EPHA5: variants seen among roughly 807,000 people sequenced by gnomAD.
EPHA5 encodes the protein ephrin type-A receptor 5.
In EPHA5, 60 loss-of-function variants were observed where a neutral mutation model predicts 105.0. The observed-to-expected ratio is 0.57, with a 90% CI of 0.46 to 0.71. EPHA5 has a LOEUF of 0.71. EPHA5 is among the 30% of genes least tolerant of loss of function. EPHA5 has a pLI of 0.00. For synonymous variants in EPHA5, 513 were observed against 449.1 expected (o/e 1.14, Z -1.80); for missense variants, 1,218 against 1,274.7 (o/e 0.96, Z 0.68).
rs1347967670 is a variant in EPHA5, at chr4:65,322,631, T to A, written c.*1483A>T. 1 of 225,272 alleles carries A rather than the reference T, an allele frequency of 4.4e-6. No individual in the cohort carries two copies. Among genetic ancestry groups the A allele is most frequent in the African/African-American group, 2.2e-5 (1 of 44,832 alleles). 14.0% of individuals were successfully genotyped at this position (225,272 alleles called of 1,614,324 possible). A position where few individuals can be genotyped will look rare whatever the true frequency, so the allele number is the denominator to read the frequency against. Reference sequence around the variant, plus strand: ...ATAAGTCTTCATCATGTGTGGTATATAGAGCATACATAGAAGATATGTTAT... The same window carrying A: ...ATAAGTCTTCATCATGTGTGGTATAAAGAGCATACATAGAAGATATGTTAT... On this transcript the variant is annotated 3_prime_UTR_variant, in exon 17 of 17. Transcript: ENST00000613740.
chr4:65,388,388 G>A (rs1328509362), intron 8 of EPHA5, among the ~76,000 whole-genome samples: 4 of 151,618 alleles, frequency 2.6e-5, no homozygotes, highest in South Asian at 2.1e-4. Flanking sequence ...CTGAGGAATC[G>A]CCACACTGAC....
intron 3 of EPHA5, among the ~76,000 whole-genome samples, chr4:65,536,101 A>G (rs574358553): frequency 4.5e-4 from 69 of 152,108 alleles, no homozygotes; most frequent in African/African-American, 1.6e-3. Context: ...ATATTGATCA[A>G]TGTATTAGTG....
Position 65,493,258 on chromosome 4 carries a change from G to A in EPHA5, c.1066+2130C>T, listed in dbSNP as rs781469336. ...TCTGCCCCAATCATAGATATGATGC[G>A]TCAACCAAAGTAGAACTGTGAGACT... On this transcript the variant is annotated intron_variant, in intron 4 of 16. Transcript: ENST00000613740. Among the ~76,000 whole-genome samples, 55 of 152,228 alleles carry A rather than the reference G, an allele frequency of 3.6e-4. 1 individual carries two copies. The highest frequency in any genetic ancestry group is 1.1e-3 in the African/African-American group (45 of 41,548).
At chr4:65,349,877 T>C (rs1722650481) in intron 13 of EPHA5, among the ~76,000 whole-genome samples, 1 of 152,144 alleles carries the variant, frequency 6.6e-6, no homozygotes, top group Non-Finnish European at 1.5e-5. Flanking sequence ...CCTTAGCCCA[T>C]AATTTTTCTC....
chr4:65,323,945 C>CA lies in EPHA5; in HGVS notation c.*168_*169insT. ...AAAAATGAAGACTAAGGACTAAGAA[C>CA]TGGATACTTCAGTAAAACCATGATT... On this transcript the variant is annotated 3_prime_UTR_variant, in exon 17 of 17. Transcript: ENST00000613740. The CA allele has an allele frequency of 5.7e-6, 3 of 522,072 alleles. No homozygotes were observed. The highest frequency in any genetic ancestry group is 1.0e-5 in the Non-Finnish European group (3 of 291,986). The allele number at this position is 522,072 out of a possible 1,614,324, so 32.3% of individuals were successfully genotyped here. A position where few individuals can be genotyped will look rare whatever the true frequency, so the allele number is the denominator to read the frequency against.
At chr4:65,660,029 T>A (rs991423427) in intron 1 of EPHA5, among the ~76,000 whole-genome samples, 4 of 152,104 alleles carry the variant, frequency 2.6e-5, no homozygotes, top group African/African-American at 9.7e-5. Context: ...TTTAATGAAT[T>A]TCTATACAGA....
intron 16 of EPHA5, among the ~76,000 whole-genome samples, chr4:65,325,477 T>C (rs901700132): frequency 2.0e-5 from 3 of 150,702 alleles, no homozygotes; most frequent in African/African-American, 7.3e-5. Flanking sequence ...CCCAAAAAAA[T>C]GCTATTGATA....
intron 3 of EPHA5, among the ~76,000 whole-genome samples, chr4:65,566,698 G>A (rs1739569538): frequency 6.6e-6 from 1 of 151,746 alleles, no homozygotes; most frequent in African/African-American, 2.4e-5. Context: ...GCCTCTTCCT[G>A]TCAGTTGTAA....
intron 4 of EPHA5, 116 bp downstream of exon 4, chr4:65,495,272 T>C: frequency 8.6e-7 from 1 of 1,164,378 alleles, no homozygotes; most frequent in Non-Finnish European, 1.2e-6. Flanking sequence ...ATAGAGATGA[T>C]TAAACATTAT....
At chr4:65,382,278 C>T (rs927653180) in intron 8 of EPHA5, among the ~76,000 whole-genome samples, 7 of 151,354 alleles carry the variant, frequency 4.6e-5, no homozygotes, top group Non-Finnish European at 1.0e-4. Flanking sequence ...ATTTAGAAAA[C>T]ACTTCAATTA....
intron 5 of EPHA5, among the ~76,000 whole-genome samples, chr4:65,429,598 C>A (rs913383537): frequency 1.6e-4 from 25 of 152,002 alleles, no homozygotes; most frequent in Admixed American, 3.3e-4. Context: ...AGAACCTATT[C>A]ATTTTCCTTT....
chr4:65,475,941 T>C (rs775867719), intron 5 of EPHA5, among the ~76,000 whole-genome samples: 3 of 152,142 alleles, frequency 2.0e-5, no homozygotes, highest in Non-Finnish European at 4.4e-5. Context: ...TCAGCAGGTA[T>C]TTTGTACAGA....
intron 1 of EPHA5, among the ~76,000 whole-genome samples, chr4:65,646,292 C>T (rs570705241): frequency 2.0e-5 from 3 of 152,282 alleles, no homozygotes; most frequent in Non-Finnish European, 2.9e-5. Context: ...GTTTGACTCA[C>T]GCCTATGAAC....
intron 3 of EPHA5, among the ~76,000 whole-genome samples, chr4:65,527,883 C>T (rs928514941): frequency 2.6e-5 from 4 of 151,954 alleles, no homozygotes; most frequent in Non-Finnish European, 4.4e-5. Flanking sequence ...GTGTTGTTCC[C>T]CTCTACGTGT....
At chr4:65,545,154 A>G (rs1046101763) in intron 3 of EPHA5, among the ~76,000 whole-genome samples, 1 of 151,932 alleles carries the variant, frequency 6.6e-6, no homozygotes, top group Admixed American at 6.6e-5. Flanking sequence ...CTGCTATAGT[A>G]ACTTATACTG....
chr4:65,570,748 T>A (rs753840484), intron 3 of EPHA5, among the ~76,000 whole-genome samples: 2 of 152,056 alleles, frequency 1.3e-5, no homozygotes, highest in Non-Finnish European at 2.9e-5. Flanking sequence ...TCTCTGTATA[T>A]TTCTAACCAT....
rs369561753 is a variant in EPHA5, at chr4:65,402,140, C to T, written c.1793+2234G>A. 8.6e-5 allele frequency among the ~76,000 whole-genome samples: 13 copies of T among 152,006 alleles called. No individual in the cohort carries two copies. The East Asian group carries it at 1.5e-3, about 18-fold the overall frequency. ...TTAAGGGACTCTTCCCCCTTGGTTCCTCCCCTTTCAGCACTTCTCCTTCCT... is the reference window on the plus strand; with the variant it reads ...TTAAGGGACTCTTCCCCCTTGGTTCTTCCCCTTTCAGCACTTCTCCTTCCT... On this transcript the variant is annotated intron_variant, in intron 8 of 16. Transcript: ENST00000613740.
chr4:65,537,228 T>C (rs1185684028), intron 3 of EPHA5, among the ~76,000 whole-genome samples: 1 of 151,846 alleles, frequency 6.6e-6, no homozygotes, highest in African/African-American at 2.4e-5. Flanking sequence ...ACTGAGCTTG[T>C]CTTTACATCT....
chr4:65,329,849 C>T (rs1278330635), intron 16 of EPHA5, among the ~76,000 whole-genome samples: 1 of 142,074 alleles, frequency 7.0e-6, no homozygotes, highest in Non-Finnish European at 1.5e-5. Context: ...GCAAAATGAA[C>T]AGATGAACTT....
Sources: gnomAD v4.1 joint callset for allele counts (sites outside exome capture counted in the v4.1 genomes callset) on GRCh38, gnomAD v4.1.1 for gene constraint, MANE v1.5 for transcripts, NCBI Gene and HGNC (gene_info 2026-07-23, HGNC 2026-07-21) for gene names.